PRMT8: variants seen among roughly 807,000 people sequenced by gnomAD.
PRMT8 encodes the protein protein arginine methyltransferase 8.
A neutral mutation model predicts 47.1 loss-of-function variants in PRMT8; 7 were observed. The observed-to-expected ratio is 0.15, with a 90% CI of 0.08 to 0.28. The LOEUF (loss-of-function observed/expected upper bound fraction) is 0.28. PRMT8 is among the 10% of genes least tolerant of loss of function. The pLI is 1.00. For synonymous variants in PRMT8, 188 were observed against 186.5 expected, an observed-to-expected ratio of 1.01 and a Z score of -0.07; for missense variants, 237 against 505.4, an observed-to-expected ratio of 0.47 and a Z score of 5.09.
intron 1 of PRMT8, among the ~76,000 whole-genome samples, chr12:3,521,513 G>A (rs1476448389): frequency 6.6e-6 from 1 of 152,176 alleles, no homozygotes; most frequent in South Asian, 2.1e-4. Context: ...GGTAGAGGTT[G>A]CAGTCAGCTG....
At chr12:3,553,293 T>A in intron 3 of PRMT8, 1 of 317,742 alleles carries the variant, frequency 3.1e-6, no homozygotes, top group Non-Finnish European at 5.9e-6. Context: ...CTGGCTTGGA[T>A]CTGCCTTCCC....
intron 7 of PRMT8, among the ~76,000 whole-genome samples, chr12:3,577,684 T>C (rs7301940): frequency 0.13 from 19,298 of 152,234 alleles, 1,273 homozygotes; most frequent in Non-Finnish European, 0.14. Flanking sequence ...TGGGATTTTT[T>C]TTTTAGCTCA....
chr12:3,474,397 T>C (rs907109546), intron 1 of PRMT8, among the ~76,000 whole-genome samples: 2 of 152,132 alleles, frequency 1.3e-5, no homozygotes, highest in African/African-American at 2.4e-5. Flanking sequence ...TGTTCTTCCA[T>C]TTGCCTTTTT....
At chr12:3,530,298 T>G (rs1272880414) in intron 1 of PRMT8, among the ~76,000 whole-genome samples, 1 of 152,204 alleles carries the variant, frequency 6.6e-6, no homozygotes, top group Non-Finnish European at 1.5e-5. Context: ...CCAGTTGAAG[T>G]GTAAGTGTAC....
intron 1 of PRMT8, among the ~76,000 whole-genome samples, chr12:3,527,199 G>A (rs1865960523): frequency 6.6e-6 from 1 of 152,046 alleles, no homozygotes; most frequent in African/African-American, 2.4e-5. Flanking sequence ...CTTATATATA[G>A]TAATCCCTCT....
At chr12:3,459,956 G>C (rs889164897) in intron 1 of PRMT8, among the ~76,000 whole-genome samples, 2 of 152,144 alleles carry the variant, frequency 1.3e-5, no homozygotes, top group Non-Finnish European at 2.9e-5. Context: ...ATGCCATTAC[G>C]TTCACGTCAA....
chr12:3,496,914 A>ATTTT (rs34785835), intron 1 of PRMT8, among the ~76,000 whole-genome samples: 1 of 129,464 alleles, frequency 7.7e-6, no homozygotes. Context: ...AAGATACCCA[A>ATTTT]TTTTTTTTTT....
At chr12:3,403,985 A>G (rs917970889) in intron 1 of PRMT8, among the ~76,000 whole-genome samples, 36 of 152,124 alleles carry the variant, frequency 2.4e-4, no homozygotes, top group Non-Finnish European at 5.0e-4. Flanking sequence ...TAAACTTAAA[A>G]ATATGAAATA....
At chr12:3,476,443 A>G (rs1865215948) in intron 1 of PRMT8, among the ~76,000 whole-genome samples, 1 of 152,152 alleles carries the variant, frequency 6.6e-6, no homozygotes, top group African/African-American at 2.4e-5. Flanking sequence ...GTACATAAAC[A>G]GTGAACCAGG....
Position 3,453,664 on chromosome 12 carries a change from G to A in PRMT8, c.48+72222G>A, listed in dbSNP as rs1228607652. On this transcript the variant is annotated intron_variant, in intron 1 of 9. Coordinates refer to the PRMT8 transcript ENST00000452611. This position sits in a 1 kb window ranked among gnomAD's most constrained non-coding sequence, Gnocchi z 4.9. ...TTAGGAGAGGAGCTTGCCCTTCACA[G>A]CCAGGGCAAATGCTGGGGCGCAGCC... 2.0e-5 allele frequency among the ~76,000 whole-genome samples: 3 copies of A among 152,196 alleles called. No homozygotes were observed. Among genetic ancestry groups the A allele is most frequent in the Non-Finnish European group, 4.4e-5 (3 of 68,028 alleles).
intron 1 of PRMT8, among the ~76,000 whole-genome samples, chr12:3,443,167 C>T (rs1864821305): frequency 6.6e-6 from 1 of 152,190 alleles, no homozygotes; most frequent in Non-Finnish European, 1.5e-5. Flanking sequence ...TTGAGGATGA[C>T]ATCTCACACT....
intron 1 of PRMT8, among the ~76,000 whole-genome samples, chr12:3,398,432 T>A (rs1260443977): frequency 6.6e-6 from 1 of 152,198 alleles, no homozygotes; most frequent in Admixed American, 6.5e-5. Context: ...GTTTATTGTG[T>A]CAATTTAGTG....
intron 2 of PRMT8, among the ~76,000 whole-genome samples, chr12:3,548,369 G>C (rs1050625305): frequency 6.6e-6 from 1 of 151,842 alleles, no homozygotes; most frequent in Non-Finnish European, 1.5e-5. Context: ...TTTAAAAAAA[G>C]AAAAAAGAAA....
intron 1 of PRMT8, among the ~76,000 whole-genome samples, chr12:3,435,545 G>A (rs1864730658): frequency 1.3e-5 from 2 of 148,502 alleles, no homozygotes; most frequent in African/African-American, 5.0e-5. Context: ...TTTTTGAGAG[G>A]GAGTCTCCCT....
intron 1 of PRMT8, among the ~76,000 whole-genome samples, chr12:3,465,867 T>C (rs1462282537): frequency 6.6e-6 from 1 of 152,088 alleles, no homozygotes; most frequent in Non-Finnish European, 1.5e-5. Flanking sequence ...CGCAGGAGGG[T>C]TGATTTTTTC....
intron 1 of PRMT8, among the ~76,000 whole-genome samples, chr12:3,481,877 AG>A (rs780520291): frequency 4.6e-5 from 7 of 152,200 alleles, no homozygotes; most frequent in Non-Finnish European, 1.0e-4. Context: ...GTGGCCCAGA[AG>A]CTCACAGGCC....
intron 1 of PRMT8, among the ~76,000 whole-genome samples, chr12:3,530,865 C>G (rs1866019680): frequency 6.6e-6 from 1 of 152,236 alleles, no homozygotes; most frequent in African/African-American, 2.4e-5. Flanking sequence ...CGCTCAGCGT[C>G]TTCCAGTCAT....
chr12:3,478,237 A>G (rs546371637), intron 1 of PRMT8, among the ~76,000 whole-genome samples: 1 of 151,962 alleles, frequency 6.6e-6, no homozygotes, highest in African/African-American at 2.4e-5. Flanking sequence ...TCCATCATAT[A>G]TTTATATCTA....
At chr12:3,549,857 G>A in intron 2 of PRMT8, 79 bp from the exon 3 acceptor site, 1 of 1,540,080 alleles carries the variant, frequency 6.5e-7, no homozygotes, top group South Asian at 1.2e-5. Flanking sequence ...ACCTGGGGTG[G>A]TCCAGGGGCT....
Sources: allele counts gnomAD v4.1 joint callset (sites outside exome capture counted in the v4.1 genomes callset), GRCh38; gene constraint gnomAD v4.1.1; non-coding constraint Gnocchi (gnomAD v3.1); transcripts MANE v1.5; gene names NCBI Gene and HGNC (gene_info 2026-07-23, HGNC 2026-07-21).